Variants in GPD2 observed in about 807,000 individuals in gnomAD.
The protein encoded by GPD2 is glycerol-3-phosphate dehydrogenase 2, also known as glycerol-3-phosphate dehydrogenase, mitochondrial.
A neutral mutation model predicts 82.4 loss-of-function variants in GPD2; 54 were observed. The ratio of observed to expected loss-of-function variants is 0.66; its 90% CI spans 0.53 to 0.82. The LOEUF (loss-of-function observed/expected upper bound fraction) is 0.82, where lower values mean the gene tolerates loss of function less well. GPD2 is among the 40% of genes least tolerant of loss of function. The pLI is 0.00. For missense variants in GPD2, 748 were observed against 896.2 expected, an observed-to-expected ratio of 0.83 and a Z score of 2.11; for synonymous variants, 288 against 306.1, an observed-to-expected ratio of 0.94 and a Z score of 0.62.
intron 13 of GPD2, among the ~76,000 whole-genome samples, chr2:156,573,433 G>T (rs1325596281): frequency 6.6e-6 from 1 of 152,118 alleles, no homozygotes; most frequent in African/African-American, 2.4e-5. Flanking sequence ...GGCAGCACAG[G>T]AATGAAACTT....
At chr2:156,401,190 G>A in the GPD2 span, among the ~76,000 whole-genome samples, 6 of 152,280 alleles carry the variant, frequency 3.9e-5, no homozygotes, top group South Asian at 2.1e-4. Context: ...CGTGGCAGGC[G>A]AGAATTCTAC....
the GPD2 span, among the ~76,000 whole-genome samples, chr2:156,420,565 T>G: frequency 6.6e-6 from 1 of 152,236 alleles, no homozygotes; most frequent in Admixed American, 6.5e-5. Flanking sequence ...TAGTTTCAGC[T>G]GCATAATTTT....
chr2:156,566,215 A>G (rs1342689867), intron 9 of GPD2, among the ~76,000 whole-genome samples: 26 of 152,114 alleles, frequency 1.7e-4, no homozygotes, highest in Admixed American at 1.7e-3. Flanking sequence ...GATTATGGTT[A>G]AATATGCAGA....
chr2:156,569,342 T>G, intron 10 of GPD2, 21 bp from the exon 11 acceptor site: 2 of 1,554,918 alleles, frequency 1.3e-6, no homozygotes, highest in Non-Finnish European at 1.8e-6. Context: ...CCTGATGAAT[T>G]GTCTATCAAT....
In GPD2 at chr2:156,586,193, C is replaced by A. The variant is rs1039439479; in HGVS notation, c.*3275C>A. 1 of 152,306 alleles carries A rather than the reference C, an allele frequency of 6.6e-6. No homozygotes were observed. The highest frequency in any genetic ancestry group is 1.9e-4 in the East Asian group (1 of 5,174). 9.4% of individuals were successfully genotyped at this position (152,306 alleles called of 1,614,324 possible). On this transcript the variant is annotated 3_prime_UTR_variant, in exon 17 of 17. Transcript: ENST00000438166. ...TTTGATGTTACTTGCAGTCAGATAA[C>A]TTTGATTACTGTTGAAGTTTAAAAA...
chr2:156,423,857 G>T, the GPD2 span, among the ~76,000 whole-genome samples: 1 of 152,046 alleles, frequency 6.6e-6, no homozygotes, highest in African/African-American at 2.4e-5. Context: ...ATCTCCTACC[G>T]CTAAGAGCAG....
intron 6 of GPD2, among the ~76,000 whole-genome samples, chr2:156,516,034 G>A (rs928933635): frequency 6.6e-6 from 1 of 152,134 alleles, no homozygotes. Context: ...AGGAATGAAC[G>A]CCTTTTTTCC....
At chr2:156,401,168 C>G in the GPD2 span, among the ~76,000 whole-genome samples, 33 of 152,104 alleles carry the variant, frequency 2.2e-4, no homozygotes, top group African/African-American at 5.1e-4. Context: ...GGAATCGAAC[C>G]CGGGCCTCCC....
chr2:156,515,329 C>T (rs951593548), intron 6 of GPD2, among the ~76,000 whole-genome samples: 18 of 150,886 alleles, frequency 1.2e-4, no homozygotes, highest in African/African-American at 3.9e-4. Flanking sequence ...GCTGAGATCC[C>T]GCCATTACAC....
intron 6 of GPD2, among the ~76,000 whole-genome samples, chr2:156,536,430 C>CAAAACTCA (rs2105314874): frequency 6.6e-6 from 1 of 152,214 alleles, no homozygotes; most frequent in South Asian, 2.1e-4. Flanking sequence ...CAGATGAATT[C>CAAAACTCA]AAAACTCAAA....
chr2:156,513,251 G>A lies in GPD2; in HGVS notation c.498-82G>A, dbSNP rs540976228. On this transcript the variant is annotated intron_variant, in intron 5 of 16. Coordinates refer to ENST00000438166, the MANE Select transcript of GPD2 (RefSeq NM_000408.5). ...TAGGTATGCTTTGTTTTTCTTAAAT[G>A]AAAGTGTCTTGTAGTGTAAGGTAAT... 8.8e-6 allele frequency: 9 copies of A among 1,022,334 alleles called. No individual in the cohort carries two copies. In the African/African-American group the frequency reaches 9.4e-5, roughly 11 times the overall value. 63.3% of individuals were successfully genotyped at this position (1,022,334 alleles called of 1,614,324 possible).
At chr2:156,560,012 A>G (rs552914661) in intron 9 of GPD2, among the ~76,000 whole-genome samples, 2 of 152,226 alleles carry the variant, frequency 1.3e-5, no homozygotes, top group East Asian at 3.8e-4. Flanking sequence ...TCTGGGCCTG[A>G]AGATCAGGAA....
chr2:156,418,229 A>G, the GPD2 span, among the ~76,000 whole-genome samples: 1 of 151,710 alleles, frequency 6.6e-6, no homozygotes, highest in Admixed American at 6.6e-5. Flanking sequence ...GGAAGAAAAA[A>G]AAAAACCCAC....
chr2:156,511,784 CTG>C (rs2105270993), intron 4 of GPD2, among the ~76,000 whole-genome samples: 1 of 152,270 alleles, frequency 6.6e-6, no homozygotes, highest in East Asian at 1.9e-4. Flanking sequence ...TTTTTATAAT[CTG>C]TAAAATACTG....
In GPD2 at chr2:156,518,670, T is replaced by C. The variant is rs144247044; in HGVS notation, c.661+5174T>C. 8.1e-3 allele frequency among the ~76,000 whole-genome samples: 1,234 copies of C among 152,328 alleles called. 13 individuals carry two copies. Among genetic ancestry groups the C allele is most frequent in the African/African-American group, 0.029 (1,186 of 41,556 alleles). On this transcript the variant is annotated intron_variant, in intron 6 of 16. Transcript: ENST00000438166. ...TTACCAGTATCACAAAAGTGATTTTTTTGGTCTTTTTGTTGTTTGTTTTTT... is the reference window on the plus strand; with the variant it reads ...TTACCAGTATCACAAAAGTGATTTTCTTGGTCTTTTTGTTGTTTGTTTTTT...
chr2:156,530,378 A>G (rs1472618101), intron 6 of GPD2, among the ~76,000 whole-genome samples: 1 of 148,310 alleles, frequency 6.7e-6, no homozygotes, highest in Middle Eastern at 3.5e-3. Flanking sequence ...ATCTGCAAAC[A>G]GGGACAATTT....
chr2:156,523,668 T>TGA (rs1685496353), intron 6 of GPD2, among the ~76,000 whole-genome samples: 1 of 131,912 alleles, frequency 7.6e-6, no homozygotes, highest in African/African-American at 2.8e-5. Context: ...ATAATTTCTT[T>TGA]TCTAGATAGA....
intron 2 of GPD2, 37 bp downstream of exon 2, chr2:156,476,244 C>T (rs760398321): frequency 9.4e-7 from 1 of 1,065,156 alleles, no homozygotes; most frequent in Non-Finnish European, 1.5e-6. Context: ...CAGTATGCAA[C>T]TTAAATCTGC....
chr2:156,463,418 G>T (rs943321462), intron 1 of GPD2, among the ~76,000 whole-genome samples: 2 of 152,138 alleles, frequency 1.3e-5, no homozygotes, highest in African/African-American at 2.4e-5. Flanking sequence ...AACCATGAAT[G>T]CAAGTTTTAA....
Sources: gnomAD v4.1 joint callset for allele counts (sites outside exome capture counted in the v4.1 genomes callset) on GRCh38, gnomAD v4.1.1 for gene constraint, MANE v1.5 for transcripts, NCBI Gene and HGNC (gene_info 2026-07-23, HGNC 2026-07-21) for gene names.